The following DMD variants were observed in gnomAD, a reference collection of about 807,000 sequenced individuals.
DMD encodes the protein mutant dystrophin.
A neutral mutation model predicts 330.1 loss-of-function variants in DMD; 63 were observed. The observed-to-expected ratio is 0.19, with a 90% CI of 0.16 to 0.24. The LOEUF (loss-of-function observed/expected upper bound fraction) is 0.24. DMD is among the 10% of genes least tolerant of loss of function. DMD has a pLI of 1.00. For synonymous variants in DMD, 1,223 were observed against 959.8 expected (o/e 1.27, Z -5.07); for missense variants, 3,344 against 2,684.1 (o/e 1.25, Z -5.43).
At chrX:32,164,373 C>G (rs2096860459) in intron 44 of DMD, among the ~76,000 whole-genome samples, 1 of 111,335 alleles carries the variant, frequency 9.0e-6, no homozygotes, top group South Asian at 3.8e-4. Context: ...ACACTGAAGT[C>G]CAGGCAGAGG....
chrX:33,158,488 C>T (rs1447388161), intron 1 of DMD, among the ~76,000 whole-genome samples: 1 of 111,422 alleles, frequency 9.0e-6, no homozygotes, highest in Non-Finnish European at 1.9e-5. Flanking sequence ...ACTTCCTGAT[C>T]CCATCTGTTC....
intron 22 of DMD, among the ~76,000 whole-genome samples, chrX:32,470,442 GA>G (rs2148472969): frequency 9.3e-6 from 1 of 107,739 alleles, no homozygotes; most frequent in Non-Finnish European, 1.9e-5. Flanking sequence ...AACTTTGGGG[GA>G]AATGTTCATA....
intron 60 of DMD, among the ~76,000 whole-genome samples, chrX:31,357,985 T>C (rs1041808571): frequency 2.7e-5 from 3 of 111,452 alleles, no homozygotes; most frequent in Non-Finnish European, 5.6e-5. Context: ...GCTTCCATTG[T>C]TTCTCTGTGT....
intron 33 of DMD, among the ~76,000 whole-genome samples, chrX:32,384,062 A>C (rs2097942287): frequency 9.0e-6 from 1 of 110,510 alleles, no homozygotes; most frequent in Admixed American, 9.7e-5. Flanking sequence ...GTCAAATTAT[A>C]AACTGAAAAT....
chrX:32,924,398 T>G (rs1310756391), intron 2 of DMD, among the ~76,000 whole-genome samples: 1 of 110,614 alleles, frequency 9.0e-6, no homozygotes, highest in Non-Finnish European at 1.9e-5. Flanking sequence ...GGGCGTGGTG[T>G]GCACTTGTCC....
Position 32,445,679 on chromosome X carries a change from C to T in DMD, c.3786+2777G>A, listed in dbSNP as rs144862470. On this transcript the variant is annotated intron_variant, in intron 27 of 78. Transcript: ENST00000357033. ...GGGTGTAGTTATTGGAAAAATAAGA[C>T]GGTGTCATGTTTATTACTCATTAAG... Among the ~76,000 whole-genome samples, 135 of 110,200 alleles carry T rather than the reference C, an allele frequency of 1.2e-3. No individual in the cohort carries two copies. The Middle Eastern group carries it at 0.019, about 15-fold the overall frequency.
chrX:32,596,002 A>C (rs1281370511), intron 12 of DMD, 126 bp from the exon 13 acceptor site: 3 of 610,867 alleles, frequency 4.9e-6, no homozygotes, highest in Non-Finnish European at 7.9e-6. Flanking sequence ...TTATTAACCT[A>C]AAACCATTCC....
intron 43 of DMD, among the ~76,000 whole-genome samples, chrX:32,217,577 A>G (rs1653373627): frequency 9.1e-6 from 1 of 109,982 alleles, no homozygotes; most frequent in Admixed American, 9.6e-5. Flanking sequence ...GTTCTATTGC[A>G]TAGTAATATG....
chrX:31,510,058 T>C (rs1271665214), intron 55 of DMD, among the ~76,000 whole-genome samples: 1 of 112,128 alleles, frequency 8.9e-6, no homozygotes, highest in Non-Finnish European at 1.9e-5. Context: ...CTTTTCTAGG[T>C]CATGATGGTG....
intron 55 of DMD, among the ~76,000 whole-genome samples, chrX:31,561,300 T>C (rs2075182740): frequency 9.0e-6 from 1 of 111,585 alleles, no homozygotes; most frequent in Non-Finnish European, 1.9e-5. Flanking sequence ...CAGGGACTGA[T>C]GGGGAGTCAG....
intron 78 of DMD, 103 bp downstream of exon 78, chrX:31,126,539 A>G (rs1371130130): frequency 2.9e-6 from 2 of 687,527 alleles, no homozygotes; most frequent in African/African-American, 4.2e-5. Context: ...AATGTGTAAT[A>G]CACACATGCG....
intron 45 of DMD, among the ~76,000 whole-genome samples, chrX:31,951,159 G>GTGTA (rs2095169670): frequency 7.0e-5 from 5 of 71,714 alleles, no homozygotes; most frequent in Non-Finnish European, 2.6e-5. Context: ...ATATATATAT[G>GTGTA]TATATATATA....
chrX:32,870,958 CAAAAAAAAAAAAAA>C (rs745583714), intron 2 of DMD, among the ~76,000 whole-genome samples: 3 of 14,770 alleles, frequency 2.0e-4, no homozygotes, highest in Admixed American at 9.7e-4. Context: ...TTCTGTACAG[CAAAAAAAAAAAAAA>C]AAAAAAAAAA....
intron 7 of DMD, among the ~76,000 whole-genome samples, chrX:32,802,423 A>G (rs940165527): frequency 8.9e-6 from 1 of 111,740 alleles, no homozygotes; most frequent in Non-Finnish European, 1.9e-5. Context: ...GGGTTTTCTA[A>G]ATATACAATC....
At chrX:32,344,508 G>T (rs1368591334) in intron 39 of DMD, among the ~76,000 whole-genome samples, 1 of 110,818 alleles carries the variant, frequency 9.0e-6, no homozygotes. Flanking sequence ...TATGTTTTAT[G>T]TTGAATTTTC....
chrX:31,700,824 T>C (rs996772728), intron 52 of DMD, among the ~76,000 whole-genome samples: 1 of 112,068 alleles, frequency 8.9e-6, no homozygotes, highest in Admixed American at 9.5e-5. Context: ...GCTTGATGTA[T>C]ATCTATGCAA....
intron 64 of DMD, among the ~76,000 whole-genome samples, chrX:31,218,226 T>G (rs764602440): frequency 1.8e-5 from 2 of 108,949 alleles, no homozygotes; most frequent in Admixed American, 1.9e-4. Context: ...GGTTTCTTTT[T>G]TTTTTTTTTC....
Position 32,502,767 on chromosome X carries a change from C to T in DMD, c.2293-925G>A, listed in dbSNP as rs146990232. 5.5e-3 allele frequency among the ~76,000 whole-genome samples: 617 copies of T among 111,606 alleles called. 1 individual carries two copies. Among genetic ancestry groups the T allele is most frequent in the African/African-American group, 0.018 (563 of 30,732 alleles). ...TACATGAGACTATTTTTTAAGACTT[C>T]ATTTACATCCACAGGCATTTAAAAA... On this transcript the variant is annotated intron_variant, in intron 18 of 78. Coordinates refer to ENST00000357033, the MANE Select transcript of DMD (RefSeq NM_004006.3).
At chrX:32,777,503 A>G (rs1264523342) in intron 7 of DMD, among the ~76,000 whole-genome samples, 1 of 110,691 alleles carries the variant, frequency 9.0e-6, no homozygotes, top group African/African-American at 3.3e-5. Flanking sequence ...TCTTACTGTT[A>G]TTATTTCAGT....
Sources: allele counts gnomAD v4.1 joint callset (sites outside exome capture counted in the v4.1 genomes callset), GRCh38; gene constraint gnomAD v4.1.1; transcripts MANE v1.5; gene names NCBI Gene and HGNC (gene_info 2026-07-23, HGNC 2026-07-21).